The following STRBP variants were observed in gnomAD, a reference collection of about 807,000 sequenced individuals.
STRBP encodes spermatid perinuclear RNA-binding protein.
STRBP carries 13 observed loss-of-function variants against 80.1 expected under a neutral mutation model. That is an observed-to-expected ratio of 0.16 (90% CI 0.11 to 0.26). The LOEUF is 0.26. Ranked by LOEUF, STRBP falls within the 10% of genes least tolerant of loss-of-function variation. STRBP has a pLI of 1.00. For synonymous variants in STRBP, 284 were observed against 291.2 expected, an observed-to-expected ratio of 0.98 and a Z score of 0.25; for missense variants, 485 against 815.2, an observed-to-expected ratio of 0.59 and a Z score of 4.93.
At chr9:123,121,532 T>G (rs2035732884), downstream of STRBP, 1 of 152,172 alleles carries the variant, frequency 6.6e-6, no homozygotes, top group South Asian at 2.1e-4. Context: ...ACCACCCGAG[T>G]CTTGCTGAAG....
intron 1 of STRBP, among the ~76,000 whole-genome samples, chr9:123,264,676 C>A (rs187945585): frequency 5.6e-4 from 85 of 152,268 alleles, no homozygotes; most frequent in Non-Finnish European, 8.4e-4. Context: ...AAGTCACCAG[C>A]GAAAATAAAA....
At chr9:123,201,599 G>A (rs903119806) in intron 2 of STRBP, among the ~76,000 whole-genome samples, 11 of 152,032 alleles carry the variant, frequency 7.2e-5, no homozygotes, top group African/African-American at 1.2e-4. Context: ...GTTTTATGCC[G>A]CTGTGGTCTG....
chr9:123,202,351 G>C (rs925543738), intron 2 of STRBP, among the ~76,000 whole-genome samples: 2 of 152,128 alleles, frequency 1.3e-5, no homozygotes, highest in African/African-American at 4.8e-5. Context: ...TGTATATCAG[G>C]CTTTTGTTTC....
intron 2 of STRBP, among the ~76,000 whole-genome samples, chr9:123,233,790 A>G (rs1461972032): frequency 6.6e-6 from 1 of 152,240 alleles, no homozygotes; most frequent in Admixed American, 6.5e-5. Context: ...TGAAATGGGA[A>G]TTCAAAGAAC....
chr9:123,177,340 G>C (rs535820249), intron 4 of STRBP, among the ~76,000 whole-genome samples: 2 of 152,288 alleles, frequency 1.3e-5, no homozygotes, highest in South Asian at 4.1e-4. Flanking sequence ...GCCAAGGCAG[G>C]ATAGCTTGAG....
intron 17 of STRBP, among the ~76,000 whole-genome samples, chr9:123,130,744 G>A (rs1237077024): frequency 1.3e-5 from 2 of 152,182 alleles, no homozygotes; most frequent in African/African-American, 4.8e-5. Context: ...CACACCATAA[G>A]AAATTCATAA....
In STRBP at chr9:123,208,527, A is replaced by G. The variant is rs2039601279; in HGVS notation, c.-164-24229T>C. On this transcript the variant is annotated intron_variant, in intron 2 of 18. Transcript: ENST00000348403. ...GGAGGGGCAAAATAGTAAATATTGT[A>G]GACTGGTGGGCCACACAGTCTCTGT... 2.6e-5 allele frequency among the ~76,000 whole-genome samples: 4 copies of G among 152,278 alleles called. No homozygotes were observed. The South Asian group carries it at 8.3e-4, about 32-fold the overall frequency.
At chr9:123,121,606 TTTTG>T (rs1298296771), downstream of STRBP, 2 of 43,824 alleles carry the variant, frequency 4.6e-5, no homozygotes, top group South Asian at 1.6e-3. Flanking sequence ...TACCATAATA[TTTTG>T]TTTTTGTTTT....
At chr9:123,239,332 G>A (rs1408568935) in intron 1 of STRBP, among the ~76,000 whole-genome samples, 7 of 152,086 alleles carry the variant, frequency 4.6e-5, no homozygotes, top group East Asian at 1.9e-4. Context: ...CCGAGATCGC[G>A]CCACTGCACT....
intron 6 of STRBP, among the ~76,000 whole-genome samples, chr9:123,169,069 T>C (rs2037893736): frequency 1.3e-5 from 2 of 152,066 alleles, no homozygotes; most frequent in African/African-American, 4.8e-5. Flanking sequence ...AGTCCCCCAA[T>C]TTACATCCCT....
chr9:123,179,276 C>CTTTTTCAGGTGATGTT, intron 3 of STRBP, 49 bp from the exon 4 acceptor site: 2 of 1,504,264 alleles, frequency 1.3e-6, no homozygotes, highest in Non-Finnish European at 1.8e-6. Flanking sequence ...GAAACATCAC[C>CTTTTTCAGGTGATGTT]TGAAAAAGAT....
At chr9:123,219,310 A>T (rs940061730) in intron 2 of STRBP, among the ~76,000 whole-genome samples, 5 of 152,138 alleles carry the variant, frequency 3.3e-5, no homozygotes, top group Admixed American at 6.5e-5. Context: ...CGACCCAAAG[A>T]GTCTCTACGA....
intron 2 of STRBP, among the ~76,000 whole-genome samples, chr9:123,220,620 T>C (rs1002194309): frequency 3.9e-5 from 6 of 152,210 alleles, no homozygotes; most frequent in Non-Finnish European, 5.9e-5. Flanking sequence ...TATTCTAAGA[T>C]GCAGACATTG....
intron 6 of STRBP, 107 bp from the exon 7 acceptor site, chr9:123,161,175 T>C (rs1564251749): frequency 1.2e-6 from 1 of 835,064 alleles, no homozygotes; most frequent in Non-Finnish European, 1.8e-6. Flanking sequence ...TTGAGTGAAC[T>C]AATAAGACTC....
At chr9:123,255,446 C>T (rs919095257) in intron 1 of STRBP, among the ~76,000 whole-genome samples, 1 of 152,112 alleles carries the variant, frequency 6.6e-6, no homozygotes, top group African/African-American at 2.4e-5. Flanking sequence ...TCTTCAAAGA[C>T]GTAAGAAAGG....
chr9:123,125,970 T>C (rs1446385326), intron 18 of STRBP, among the ~76,000 whole-genome samples: 1 of 152,224 alleles, frequency 6.6e-6, no homozygotes, highest in Non-Finnish European at 1.5e-5. Flanking sequence ...TATTGAATCA[T>C]GTTCTAATCG....
At chr9:123,190,886 G>A (rs1340790698) in intron 2 of STRBP, among the ~76,000 whole-genome samples, 1 of 152,160 alleles carries the variant, frequency 6.6e-6, no homozygotes, top group Non-Finnish European at 1.5e-5. Context: ...GGTGCCTTAT[G>A]TGACAAAACA....
At chr9:123,194,952 TC>T (rs1480069598) in intron 2 of STRBP, among the ~76,000 whole-genome samples, 3 of 152,134 alleles carry the variant, frequency 2.0e-5, no homozygotes, top group African/African-American at 7.2e-5. Context: ...TATCTTACCT[TC>T]AACATTCCCT....
intron 2 of STRBP, among the ~76,000 whole-genome samples, chr9:123,220,454 G>T (rs959229057): frequency 1.3e-5 from 2 of 152,164 alleles, no homozygotes; most frequent in African/African-American, 4.8e-5. Context: ...GTAAAAATAT[G>T]ATATAATCTC....
Sources: gnomAD v4.1 joint callset for allele counts (sites outside exome capture counted in the v4.1 genomes callset) on GRCh38, gnomAD v4.1.1 for gene constraint, MANE v1.5 for transcripts, NCBI Gene and HGNC (gene_info 2026-07-23, HGNC 2026-07-21) for gene names.